Variants in JPH3 observed in about 807,000 individuals in gnomAD.
JPH3 encodes junctophilin 3.
In JPH3, 11 loss-of-function variants were observed where a neutral mutation model predicts 59.6. That is an observed-to-expected ratio of 0.18 (90% confidence interval 0.12 to 0.31). The LOEUF is 0.31. Ranked by LOEUF, JPH3 falls within the 10% of genes least tolerant of loss-of-function variation. The pLI, the probability that JPH3 is intolerant of heterozygous loss-of-function variation, is 1.00. For missense variants in JPH3, 1,202 were observed against 1,105.7 expected, an observed-to-expected ratio of 1.09 and a Z score of -1.24; for synonymous variants, 673 against 483.6, an observed-to-expected ratio of 1.39 and a Z score of -5.14.
intron 2 of JPH3, among the ~76,000 whole-genome samples, chr16:87,666,873 G>A (rs191183994): frequency 6.2e-4 from 94 of 152,360 alleles, no homozygotes; most frequent in African/African-American, 2.2e-3. Context: ...CCTCGTCACC[G>A]AGTGGGAGCT....
intron 4 of JPH3, chr16:87,694,623 C>G (rs1014284601): frequency 7.2e-5 from 11 of 152,630 alleles, no homozygotes; most frequent in African/African-American, 2.7e-4. Context: ...GGAGAGCTGA[C>G]TTCATGCGGG....
chr16:87,622,755 C>G (rs1478184159), intron 1 of JPH3, among the ~76,000 whole-genome samples: 4 of 152,130 alleles, frequency 2.6e-5, no homozygotes, highest in Admixed American at 6.5e-5. Flanking sequence ...CCCGCCCCAC[C>G]CTGCCGCTGA....
At chr16:87,665,662 G>A (rs2032838145) in intron 2 of JPH3, among the ~76,000 whole-genome samples, 1 of 152,192 alleles carries the variant, frequency 6.6e-6, no homozygotes, top group Non-Finnish European at 1.5e-5. Context: ...CTGGGGGTGG[G>A]AGCAGGCCTA....
chr16:87,664,247 C>T (rs1160408338), intron 2 of JPH3, among the ~76,000 whole-genome samples: 1 of 150,164 alleles, frequency 6.7e-6, no homozygotes, highest in African/African-American at 2.5e-5. Flanking sequence ...AGGAGAATGG[C>T]GTGAACCCGG....
At chr16:87,661,792 A>G (rs923928972) in intron 2 of JPH3, among the ~76,000 whole-genome samples, 1 of 152,230 alleles carries the variant, frequency 6.6e-6, no homozygotes, top group African/African-American at 2.4e-5. Flanking sequence ...AGGGGAACAT[A>G]CAATGCTGTG....
chr16:87,639,060 A>C (rs1404052342), intron 1 of JPH3, among the ~76,000 whole-genome samples: 1 of 152,098 alleles, frequency 6.6e-6, no homozygotes, highest in Non-Finnish European at 1.5e-5. Context: ...GTGTGTTCCT[A>C]GGGCGGCCAC....
At chr16:87,650,224 G>A (rs957914972) in intron 2 of JPH3, among the ~76,000 whole-genome samples, 1 of 152,192 alleles carries the variant, frequency 6.6e-6, no homozygotes, top group African/African-American at 2.4e-5. Flanking sequence ...GCTTTTTCAT[G>A]ATTATATCTG....
chr16:87,666,674 C>T (rs2032872776), intron 2 of JPH3, among the ~76,000 whole-genome samples: 1 of 152,150 alleles, frequency 6.6e-6, no homozygotes, highest in African/African-American at 2.4e-5. Context: ...TTCTCCAGAC[C>T]CCCTCCTGCC....
intron 2 of JPH3, among the ~76,000 whole-genome samples, chr16:87,646,203 G>A (rs778593576): frequency 1.3e-5 from 2 of 152,238 alleles, no homozygotes; most frequent in Non-Finnish European, 2.9e-5. Flanking sequence ...CCGACCTGTC[G>A]CTAATTAAAG....
At chr16:87,661,803 G>T (rs2032712732) in intron 2 of JPH3, among the ~76,000 whole-genome samples, 1 of 152,206 alleles carries the variant, frequency 6.6e-6, no homozygotes, top group South Asian at 2.1e-4. Flanking sequence ...CAATGCTGTG[G>T]TTTTCACTGC....
intron 2 of JPH3, among the ~76,000 whole-genome samples, chr16:87,658,647 G>C (rs2032591491): frequency 6.6e-6 from 1 of 152,228 alleles, no homozygotes; most frequent in African/African-American, 2.4e-5. Context: ...GAGGCGTCCA[G>C]GTGACACCGT....
chr16:87,693,568 A>C (rs1402876315), intron 4 of JPH3: 1 of 152,272 alleles, frequency 6.6e-6, no homozygotes, highest in African/African-American at 2.4e-5. Context: ...CCAGCTACTC[A>C]GGAGGCTGAG....
chr16:87,683,505 C>T (rs2033344799), intron 2 of JPH3, among the ~76,000 whole-genome samples: 1 of 152,052 alleles, frequency 6.6e-6, no homozygotes, highest in African/African-American at 2.4e-5. Flanking sequence ...GGAGTTTCAC[C>T]ATGTTGTGCA....
intron 1 of JPH3, chr16:87,605,099 A>C (rs888596378): frequency 2.0e-5 from 7 of 357,414 alleles, no homozygotes; most frequent in African/African-American, 1.3e-4. Context: ...AGGGGCTGCT[A>C]TCACCCCCAG....
intron 1 of JPH3, among the ~76,000 whole-genome samples, chr16:87,608,637 C>T (rs74039508): frequency 0.029 from 4,426 of 152,234 alleles, 250 homozygotes; most frequent in African/African-American, 0.1. Context: ...GTTGGGTGGA[C>T]GGCTGGACTC....
intron 1 of JPH3, among the ~76,000 whole-genome samples, chr16:87,625,505 C>T (rs1759288655): frequency 6.6e-6 from 1 of 152,172 alleles, no homozygotes; most frequent in South Asian, 2.1e-4. Context: ...GCAGAGGGGC[C>T]CCCTGAGCAG....
intron 1 of JPH3, among the ~76,000 whole-genome samples, chr16:87,619,785 T>C (rs113885476): frequency 0.062 from 9,405 of 152,220 alleles, 397 homozygotes; most frequent in Non-Finnish European, 0.092. Flanking sequence ...CTAGGACTTC[T>C]TGGTTGGGGG....
intron 1 of JPH3, among the ~76,000 whole-genome samples, chr16:87,626,448 C>T (rs556252100): frequency 2.0e-4 from 30 of 152,224 alleles, no homozygotes; most frequent in Non-Finnish European, 3.8e-4. Context: ...GCCCAGTGCC[C>T]AGGAGACCGA....
At chr16:87,647,087 T>C (rs1298591153) in intron 2 of JPH3, among the ~76,000 whole-genome samples, 1 of 152,134 alleles carries the variant, frequency 6.6e-6, no homozygotes, top group African/African-American at 2.4e-5. Context: ...GCTTAGGTGG[T>C]AACAGCTCCC....
Sources: allele counts gnomAD v4.1 joint callset (sites outside exome capture counted in the v4.1 genomes callset), GRCh38; gene constraint gnomAD v4.1.1; transcripts MANE v1.5; gene names NCBI Gene and HGNC (gene_info 2026-07-23, HGNC 2026-07-21).